SIPA1L1: variants seen among roughly 807,000 people sequenced by gnomAD.
The protein encoded by SIPA1L1 is signal-induced proliferation-associated 1-like protein 1.
SIPA1L1 carries 26 observed loss-of-function variants against 162.7 expected under a neutral mutation model. The ratio of observed to expected loss-of-function variants is 0.16; its 90% CI spans 0.12 to 0.22. The LOEUF (loss-of-function observed/expected upper bound fraction) is 0.22. Ranked by LOEUF, SIPA1L1 falls within the 10% of genes least tolerant of loss-of-function variation. The pLI is 1.00. For missense variants in SIPA1L1, 1,874 were observed against 2,241.0 expected (o/e 0.84, Z 3.31); for synonymous variants, 829 against 837.4 (o/e 0.99, Z 0.17).
chr14:71,454,499 A>T (rs1214751095), intron 2 of SIPA1L1, among the ~76,000 whole-genome samples: 6 of 152,240 alleles, frequency 3.9e-5, no homozygotes, highest in African/African-American at 1.4e-4. Context: ...TAATTAAAGC[A>T]TCTAATTAAA....
chr14:71,646,236 G>A (rs989920709), intron 7 of SIPA1L1, among the ~76,000 whole-genome samples: 11 of 151,298 alleles, frequency 7.3e-5, no homozygotes, highest in Non-Finnish European at 2.9e-5. Flanking sequence ...GAGTGCAGTG[G>A]CGCTATCTCG....
At position 71,739,000 on chromosome 14, in the gene SIPA1L1, C is replaced by G; in HGVS notation, c.5209-18C>G. The G allele has an allele frequency of 6.2e-7, 1 of 1,610,602 alleles. No individual in the cohort carries two copies. The highest frequency in any genetic ancestry group is 8.5e-7 in the Non-Finnish European group (1 of 1,178,294). On this transcript the variant is annotated intron_variant, in intron 23 of 23. Coordinates refer to ENST00000381232, the MANE Select transcript of SIPA1L1 (RefSeq NM_001386936.1). ...GGGCCAACACCTCTTAGCTTTTCTACTTCACTCTGCCTCCCAGGAAAAAGA... is the reference window on the plus strand; with the variant it reads ...GGGCCAACACCTCTTAGCTTTTCTAGTTCACTCTGCCTCCCAGGAAAAAGA...
intron 2 of SIPA1L1, among the ~76,000 whole-genome samples, chr14:71,402,728 A>T (rs1005658170): frequency 7.2e-5 from 11 of 152,122 alleles, no homozygotes; most frequent in African/African-American, 2.4e-4. Flanking sequence ...GGATTGTTGT[A>T]TTGGTTATGT....
At chr14:71,494,907 G>A (rs1453226518) in intron 2 of SIPA1L1, among the ~76,000 whole-genome samples, 1 of 152,132 alleles carries the variant, frequency 6.6e-6, no homozygotes, top group Admixed American at 6.6e-5. Context: ...CCAAAGTGCT[G>A]GGATTACAGG....
intron 3 of SIPA1L1, among the ~76,000 whole-genome samples, chr14:71,520,094 CCT>C (rs921583880): frequency 3.3e-5 from 5 of 151,916 alleles, no homozygotes; most frequent in African/African-American, 1.2e-4. Flanking sequence ...AGAGCAAGAC[CCT>C]GTCTCAAAAA....
intron 2 of SIPA1L1, among the ~76,000 whole-genome samples, chr14:71,464,925 G>C (rs1446945548): frequency 1.3e-5 from 2 of 152,188 alleles, no homozygotes; most frequent in Non-Finnish European, 2.9e-5. Flanking sequence ...CAGGGGTGTT[G>C]AGGGTGACTC....
chr14:71,491,345 GC>G (rs2143001925), intron 2 of SIPA1L1, among the ~76,000 whole-genome samples: 1 of 152,106 alleles, frequency 6.6e-6, no homozygotes, highest in East Asian at 1.9e-4. Context: ...TTCCCCTTGA[GC>G]CCCTTCTATG....
intron 2 of SIPA1L1, among the ~76,000 whole-genome samples, chr14:71,477,636 A>G (rs537573148): frequency 6.6e-5 from 10 of 152,318 alleles, no homozygotes; most frequent in African/African-American, 2.4e-4. Context: ...CTTTCCCTGA[A>G]TATAATGCCT....
At chr14:71,366,519 C>T (rs1384044167) in intron 2 of SIPA1L1, among the ~76,000 whole-genome samples, 2 of 152,250 alleles carry the variant, frequency 1.3e-5, no homozygotes, top group East Asian at 1.9e-4. Context: ...CTGCAAACTC[C>T]GTCTCCTGGG....
chr14:71,363,323 T>A (rs2037981636), intron 2 of SIPA1L1, among the ~76,000 whole-genome samples: 1 of 152,210 alleles, frequency 6.6e-6, no homozygotes, highest in South Asian at 2.1e-4. Flanking sequence ...AGAGCTTGTA[T>A]TTAGAAATGA....
chr14:71,412,647 T>A lies in SIPA1L1; in HGVS notation c.-465+91466T>A, dbSNP rs143145140. Among the ~76,000 whole-genome samples the A allele has an allele frequency of 9.2e-5, 14 of 152,326 alleles. No individual in the cohort carries two copies. The East Asian group carries it at 1.9e-3, about 21-fold the overall frequency. On this transcript the variant is annotated intron_variant, in intron 2 of 23. Coordinates refer to ENST00000381232, the MANE Select transcript of SIPA1L1 (RefSeq NM_001386936.1). ...GGGGTGATAGGCTGGGAAGAGGAACTTCCCCTTTTGTCTTCAGTAGGAATT... is the reference window on the plus strand; with the variant it reads ...GGGGTGATAGGCTGGGAAGAGGAACATCCCCTTTTGTCTTCAGTAGGAATT...
chr14:71,460,610 T>G (rs1035132328), intron 2 of SIPA1L1, among the ~76,000 whole-genome samples: 1 of 152,190 alleles, frequency 6.6e-6, no homozygotes, highest in Admixed American at 6.5e-5. Context: ...ATCATCGTTG[T>G]GTCTCCTGGT....
intron 2 of SIPA1L1, among the ~76,000 whole-genome samples, chr14:71,460,677 G>A (rs745592669): frequency 3.9e-5 from 6 of 152,152 alleles, no homozygotes; most frequent in Non-Finnish European, 8.8e-5. Context: ...ATAATGTTGC[G>A]GGAACAGGAA....
In SIPA1L1 at chr14:71,496,861, A is replaced by G. The variant is rs181663044; in HGVS notation, c.-464-15882A>G. On this transcript the variant is annotated intron_variant, in intron 2 of 23. Transcript: ENST00000381232. ...TCCAGTAATGTTTTTATCTTAAACTAAAAAGAGAATCCTTTAAAAATGATC... is the reference window on the plus strand; with the variant it reads ...TCCAGTAATGTTTTTATCTTAAACTGAAAAGAGAATCCTTTAAAAATGATC... 1.5e-3 allele frequency among the ~76,000 whole-genome samples: 233 copies of G among 152,330 alleles called. 1 individual carries two copies. Among genetic ancestry groups the G allele is most frequent in the African/African-American group, 5.2e-3 (217 of 41,566 alleles).
intron 2 of SIPA1L1, among the ~76,000 whole-genome samples, chr14:71,478,225 T>C (rs1428880856): frequency 1.3e-5 from 2 of 152,234 alleles, no homozygotes; most frequent in Non-Finnish European, 2.9e-5. Context: ...GGGTTATTTC[T>C]TGGTTGAGTT....
intron 7 of SIPA1L1, among the ~76,000 whole-genome samples, chr14:71,628,241 A>G (rs2040230443): frequency 6.6e-6 from 1 of 152,206 alleles, no homozygotes; most frequent in African/African-American, 2.4e-5. Context: ...TATCAGAGCC[A>G]TTTTTCTTCA....
chr14:71,323,823 C>T (rs1057049321), intron 2 of SIPA1L1, among the ~76,000 whole-genome samples: 1 of 152,146 alleles, frequency 6.6e-6, no homozygotes, highest in Non-Finnish European at 1.5e-5. Flanking sequence ...CAAGAGTGTA[C>T]CTGGCCACAT....
At chr14:71,354,202 G>A (rs12886430) in intron 2 of SIPA1L1, among the ~76,000 whole-genome samples, 1,863 of 151,584 alleles carry the variant, frequency 0.012, 27 homozygotes, top group Non-Finnish European at 0.019. Flanking sequence ...ATAAGATTGC[G>A]ATTAGAGTCT....
chr14:71,322,857 T>A (rs1192440827), intron 2 of SIPA1L1, among the ~76,000 whole-genome samples: 20 of 152,236 alleles, frequency 1.3e-4, no homozygotes, highest in Non-Finnish European at 1.8e-4. Flanking sequence ...GTTGTTAGCT[T>A]CTCTGCAGTT....
Sources: allele counts gnomAD v4.1 joint callset (sites outside exome capture counted in the v4.1 genomes callset), GRCh38; gene constraint gnomAD v4.1.1; transcripts MANE v1.5; gene names NCBI Gene and HGNC (gene_info 2026-07-23, HGNC 2026-07-21).